SLC16A12: variants seen among roughly 807,000 people sequenced by gnomAD.
SLC16A12 encodes the protein solute carrier family 16 member 12.
SLC16A12 carries 17 observed loss-of-function variants against 42.4 expected under a neutral mutation model. The ratio of observed to expected loss-of-function variants is 0.40; its 90% CI spans 0.27 to 0.60. The LOEUF is 0.60. SLC16A12 is among the 20% of genes least tolerant of loss of function. SLC16A12 has a pLI of 0.42. For synonymous variants in SLC16A12, 224 were observed against 229.4 expected, an observed-to-expected ratio of 0.98 and a Z score of 0.21; for missense variants, 544 against 623.0, an observed-to-expected ratio of 0.87 and a Z score of 1.35.
intron 2 of SLC16A12, among the ~76,000 whole-genome samples, chr10:89,505,975 G>A (rs1035110693): frequency 6.6e-6 from 1 of 152,280 alleles, no homozygotes; most frequent in East Asian, 1.9e-4. Flanking sequence ...TTGGAAGTTC[G>A]AACTGGGTGG....
chr10:89,511,549 G>A (rs1843162326), intron 2 of SLC16A12, among the ~76,000 whole-genome samples: 1 of 152,120 alleles, frequency 6.6e-6, no homozygotes, highest in African/African-American at 2.4e-5. Flanking sequence ...ATGGACACAG[G>A]GAGGTGAACA....
chr10:89,436,747 T>C (rs1841792028), intron 6 of SLC16A12, among the ~76,000 whole-genome samples: 2 of 122,726 alleles, frequency 1.6e-5, no homozygotes, highest in South Asian at 2.5e-4. Flanking sequence ...GGGCCACACA[T>C]AAAATAAACT....
At chr10:89,551,025 G>C (rs1049780888) in intron 2 of SLC16A12, among the ~76,000 whole-genome samples, 3 of 152,218 alleles carry the variant, frequency 2.0e-5, no homozygotes, top group Non-Finnish European at 4.4e-5. Flanking sequence ...AGGATCCAAA[G>C]TTTTCAAGGT....
chr10:89,521,992 G>A (rs546515787), intron 2 of SLC16A12, among the ~76,000 whole-genome samples: 12 of 152,128 alleles, frequency 7.9e-5, no homozygotes, highest in South Asian at 4.1e-4. Context: ...AGTCCAGACC[G>A]TCCTTAGGAC....
At chr10:89,433,502 T>A (rs1050069917) in intron 7 of SLC16A12, among the ~76,000 whole-genome samples, 176 bp from the exon 8 acceptor site, 1 of 152,224 alleles carries the variant, frequency 6.6e-6, no homozygotes, top group Admixed American at 6.5e-5. Flanking sequence ...ATACATTCTG[T>A]TTTCCAGGAA....
At chr10:89,512,461 GC>G (rs1442707826) in intron 2 of SLC16A12, among the ~76,000 whole-genome samples, 2 of 152,134 alleles carry the variant, frequency 1.3e-5, no homozygotes, top group Non-Finnish European at 2.9e-5. Flanking sequence ...GGAACTTTCT[GC>G]CCCAACCCAA....
At chr10:89,489,884 T>C (rs148992511) in intron 2 of SLC16A12, among the ~76,000 whole-genome samples, 1 of 152,304 alleles carries the variant, frequency 6.6e-6, no homozygotes, top group African/African-American at 2.4e-5. Context: ...ATATGTCTAA[T>C]GTCCTTTGAG....
At chr10:89,546,597 A>G (rs1843743784) in intron 2 of SLC16A12, among the ~76,000 whole-genome samples, 1 of 152,254 alleles carries the variant, frequency 6.6e-6, no homozygotes. Context: ...AATGTAAATT[A>G]GTTCAACCAC....
At chr10:89,483,640 T>C (rs180971584) in intron 2 of SLC16A12, among the ~76,000 whole-genome samples, 4 of 150,394 alleles carry the variant, frequency 2.7e-5, no homozygotes, top group Non-Finnish European at 5.9e-5. Flanking sequence ...GGCAGGAGGA[T>C]AGCTTAAGTC....
At chr10:89,454,334 A>G (rs1315370987) in intron 3 of SLC16A12, among the ~76,000 whole-genome samples, 1 of 151,980 alleles carries the variant, frequency 6.6e-6, no homozygotes, top group African/African-American at 2.4e-5. Context: ...CAACATATTA[A>G]TATCTCTAAC....
intron 7 of SLC16A12, among the ~76,000 whole-genome samples, chr10:89,435,150 A>G (rs1841757670): frequency 6.6e-6 from 1 of 152,210 alleles, no homozygotes; most frequent in African/African-American, 2.4e-5. Context: ...TTATATGATG[A>G]TTCCCAAATC....
chr10:89,487,996 A>ATACG (rs1554829912), intron 2 of SLC16A12, among the ~76,000 whole-genome samples: 4 of 85,340 alleles, frequency 4.7e-5, no homozygotes, highest in African/African-American at 1.7e-4. Context: ...ATATATATAT[A>ATACG]CACACACACA....
At chr10:89,465,932 A>C (rs988723395) in intron 2 of SLC16A12, among the ~76,000 whole-genome samples, 4 of 152,198 alleles carry the variant, frequency 2.6e-5, no homozygotes, top group African/African-American at 9.7e-5. Context: ...GGAAGAAACA[A>C]GCCCCTCTTC....
At chr10:89,504,803 C>T (rs1452082145) in intron 2 of SLC16A12, among the ~76,000 whole-genome samples, 4 of 152,138 alleles carry the variant, frequency 2.6e-5, no homozygotes, top group Non-Finnish European at 5.9e-5. Flanking sequence ...GGCCTGATTA[C>T]AATGTTTCTA....
intron 2 of SLC16A12, among the ~76,000 whole-genome samples, chr10:89,519,517 T>A (rs563065145): frequency 6.6e-6 from 1 of 152,150 alleles, no homozygotes; most frequent in East Asian, 1.9e-4. Context: ...AACAGATGTG[T>A]CTGTAATATA....
At chr10:89,508,900 A>C (rs1589715793) in intron 2 of SLC16A12, among the ~76,000 whole-genome samples, 1 of 152,212 alleles carries the variant, frequency 6.6e-6, no homozygotes, top group Non-Finnish European at 1.5e-5. Flanking sequence ...AGGGGATGTC[A>C]CCACCAATTT....
At chr10:89,462,784 G>T in intron 2 of SLC16A12, 160 bp from the exon 3 acceptor site, 1 of 759,168 alleles carries the variant, frequency 1.3e-6, no homozygotes, top group Non-Finnish European at 2.0e-6. Context: ...CTTGGTACAT[G>T]CTTTCTTTTT....
upstream of SLC16A12, among the ~76,000 whole-genome samples, chr10:89,535,911 G>C (rs1843651748): frequency 6.6e-6 from 1 of 152,234 alleles, no homozygotes; most frequent in Non-Finnish European, 1.5e-5. Flanking sequence ...CCCAGTGCTC[G>C]GCCTTCGAAA....
At chr10:89,537,341 C>A (rs530051657), upstream of SLC16A12, among the ~76,000 whole-genome samples, 1 of 152,154 alleles carries the variant, frequency 6.6e-6, no homozygotes, top group East Asian at 1.9e-4. Context: ...CTGTGCAAGC[C>A]AGGGGTTTTT....
Sources: allele counts gnomAD v4.1 joint callset (sites outside exome capture counted in the v4.1 genomes callset), GRCh38; gene constraint gnomAD v4.1.1; transcripts MANE v1.5; gene names NCBI Gene and HGNC (gene_info 2026-07-23, HGNC 2026-07-21).